The following RIMKLB variants were observed in gnomAD, a reference collection of about 807,000 sequenced individuals.
The protein encoded by RIMKLB is beta-citrylglutamate synthase B.
A neutral mutation model predicts 32.0 loss-of-function variants in RIMKLB; 7 were observed. That is an observed-to-expected ratio of 0.22 (90% CI 0.12 to 0.41). The LOEUF is 0.41. Ranked by LOEUF, RIMKLB falls within the 10% of genes least tolerant of loss-of-function variation. RIMKLB has a pLI of 1.00. For missense variants in RIMKLB, 289 were observed against 498.7 expected (o/e 0.58, Z 4.00); for synonymous variants, 172 against 185.1 (o/e 0.93, Z 0.57).
chr12:8,729,553 A>G (rs1946352727), intron 2 of RIMKLB, among the ~76,000 whole-genome samples: 1 of 152,078 alleles, frequency 6.6e-6, no homozygotes, highest in East Asian at 1.9e-4. Context: ...GGGGAGGGGC[A>G]GGCCATGGGT....
intron 2 of RIMKLB, among the ~76,000 whole-genome samples, chr12:8,729,651 T>A (rs1005983813): frequency 6.6e-6 from 1 of 152,114 alleles, no homozygotes; most frequent in Non-Finnish European, 1.5e-5. Context: ...GGCTTGAGGG[T>A]TGGGCCCTCA....
chr12:8,709,762 C>G (rs1018392358), intron 1 of RIMKLB, among the ~76,000 whole-genome samples: 1 of 152,220 alleles, frequency 6.6e-6, no homozygotes, highest in African/African-American at 2.4e-5. Context: ...ACACCGCATT[C>G]ATATAACTTT....
At chr12:8,718,793 T>G (rs1416105524) in intron 2 of RIMKLB, among the ~76,000 whole-genome samples, 1 of 151,758 alleles carries the variant, frequency 6.6e-6, no homozygotes, top group East Asian at 1.9e-4. Context: ...TCTGCCCACA[T>G]ACATGGATAT....
intron 1 of RIMKLB, chr12:8,700,097 A>T (rs1407351459): frequency 6.6e-6 from 1 of 152,064 alleles, no homozygotes; most frequent in Non-Finnish European, 1.5e-5. Flanking sequence ...AGTGACAATA[A>T]ATTAGCCCCT....
In RIMKLB at chr12:8,776,855, T is replaced by G. The variant is rs1159429087; in HGVS notation, c.*3071T>G. On this transcript the variant is annotated 3_prime_UTR_variant, in exon 6 of 6. Transcript: ENST00000535829. ...AGACTTTGAGAACATATTGAAGGCA[T>G]TGACTTTGAAAATCATCTCTTTTTC... 1.0e-6 allele frequency: 1 copy of G among 985,738 alleles called. No individual in the cohort carries two copies. The highest frequency in any genetic ancestry group is 1.7e-5 in the African/African-American group (1 of 57,234). 61.1% of individuals were successfully genotyped at this position (985,738 alleles called of 1,614,324 possible). A position where few individuals can be genotyped will look rare whatever the true frequency, so the allele number is the denominator to read the frequency against.
intron 2 of RIMKLB, among the ~76,000 whole-genome samples, chr12:8,735,883 G>A (rs1244180583): frequency 1.3e-5 from 2 of 151,754 alleles, no homozygotes; most frequent in African/African-American, 4.8e-5. Context: ...GGCATGCACT[G>A]CCACGCCCCG....
chr12:8,731,616 T>A (rs767901243), intron 2 of RIMKLB, among the ~76,000 whole-genome samples: 42 of 152,280 alleles, frequency 2.8e-4, no homozygotes, highest in African/African-American at 9.1e-4. Flanking sequence ...GCTTTATTCT[T>A]CAATGATAGT....
At chr12:8,768,431 G>T (rs1042302158) in intron 5 of RIMKLB, among the ~76,000 whole-genome samples, 2 of 152,174 alleles carry the variant, frequency 1.3e-5, no homozygotes, top group African/African-American at 4.8e-5. Context: ...TGAAAACAGA[G>T]CTCCTGTACA....
chr12:8,706,674 A>G (rs1943912069), intron 1 of RIMKLB, among the ~76,000 whole-genome samples: 1 of 151,968 alleles, frequency 6.6e-6, no homozygotes. Context: ...GCTAGTCTCA[A>G]ACTCCTGACC....
At chr12:8,704,819 A>G (rs1373589442) in intron 1 of RIMKLB, among the ~76,000 whole-genome samples, 1 of 151,052 alleles carries the variant, frequency 6.6e-6, no homozygotes, top group Non-Finnish European at 1.5e-5. Context: ...ACCTGCCTCT[A>G]AAAGAAGAGG....
chr12:8,762,017 G>A (rs1195530302), intron 5 of RIMKLB, among the ~76,000 whole-genome samples: 1 of 152,182 alleles, frequency 6.6e-6, no homozygotes, highest in Non-Finnish European at 1.5e-5. Context: ...AACTTAACAA[G>A]GAGGTTAAAG....
intron 2 of RIMKLB, among the ~76,000 whole-genome samples, chr12:8,744,898 A>G (rs1242987661): frequency 1.3e-5 from 2 of 151,826 alleles, no homozygotes; most frequent in Non-Finnish European, 2.9e-5. Context: ...TACAACGTGC[A>G]GGTTTGTTAC....
At chr12:8,682,772 C>CA (rs1222289479) in intron 1 of RIMKLB, among the ~76,000 whole-genome samples, 17 of 80,622 alleles carry the variant, frequency 2.1e-4, no homozygotes, top group South Asian at 1.2e-3. Context: ...GATTCCGCCT[C>CA]AAAAAAAAAT....
chr12:8,682,224 AATCGG>A (rs1235104188), intron 1 of RIMKLB, among the ~76,000 whole-genome samples: 1 of 152,212 alleles, frequency 6.6e-6, no homozygotes, highest in Admixed American at 6.5e-5. Context: ...GTAGTTCCTA[AATCGG>A]GACACGAGAG....
intron 2 of RIMKLB, among the ~76,000 whole-genome samples, chr12:8,727,091 T>C (rs759370525): frequency 3.9e-5 from 6 of 152,324 alleles, no homozygotes; most frequent in African/African-American, 1.4e-4. Context: ...CACCAGTCCC[T>C]GAGATCATTG....
chr12:8,677,099 T>G (rs1384602422), upstream of RIMKLB, among the ~76,000 whole-genome samples: 1 of 152,166 alleles, frequency 6.6e-6, no homozygotes, highest in Non-Finnish European at 1.5e-5. Flanking sequence ...ATTCAAACTC[T>G]AGCTGTAGGA....
chr12:8,704,509 A>G (rs1007033102), intron 1 of RIMKLB, among the ~76,000 whole-genome samples: 1 of 152,236 alleles, frequency 6.6e-6, no homozygotes, highest in Non-Finnish European at 1.5e-5. Context: ...TTGTCTTTGT[A>G]ACAAATAGAA....
chr12:8,696,442 C>T (rs1591611192), upstream of RIMKLB, among the ~76,000 whole-genome samples: 1 of 152,226 alleles, frequency 6.6e-6, no homozygotes, highest in East Asian at 1.9e-4. Context: ...TCCTAGGTTA[C>T]TCTCACTGAC....
intron 1 of RIMKLB, among the ~76,000 whole-genome samples, chr12:8,701,404 T>A (rs1477099908): frequency 6.6e-6 from 1 of 152,150 alleles, no homozygotes; most frequent in Non-Finnish European, 1.5e-5. Flanking sequence ...CATGGTGTTA[T>A]TTTTAATGTT....
Sources: allele counts gnomAD v4.1 joint callset (sites outside exome capture counted in the v4.1 genomes callset), GRCh38; gene constraint gnomAD v4.1.1; transcripts MANE v1.5; gene names NCBI Gene and HGNC (gene_info 2026-07-23, HGNC 2026-07-21).